The following CSMD3 variants were observed in gnomAD, a reference collection of about 807,000 sequenced individuals.
CSMD3 encodes CUB and sushi domain-containing protein 3.
A neutral mutation model predicts 435.2 loss-of-function variants in CSMD3; 177 were observed. The ratio of observed to expected loss-of-function variants is 0.41; its 90% CI spans 0.36 to 0.46. The LOEUF is 0.46. Ranked by LOEUF, CSMD3 falls within the 20% of genes least tolerant of loss-of-function variation. The pLI, the probability that CSMD3 is intolerant of heterozygous loss-of-function variation, is 0.34. For missense variants in CSMD3, 4,265 were observed against 4,504.6 expected (o/e 0.95, Z 1.52); for synonymous variants, 1,656 against 1,520.5 (o/e 1.09, Z -2.07).
intron 44 of CSMD3, 40 bp downstream of exon 44, chr8:112,336,612 T>G: frequency 7.1e-7 from 1 of 1,415,236 alleles, no homozygotes; most frequent in East Asian, 2.3e-5. Context: ...TTTTACTGTG[T>G]ATATAATTGA....
At chr8:112,959,140 A>G (rs949921411) in intron 7 of CSMD3, among the ~76,000 whole-genome samples, 2 of 152,116 alleles carry the variant, frequency 1.3e-5, no homozygotes, top group Non-Finnish European at 2.9e-5. Flanking sequence ...AATATGCAGA[A>G]CATTTATCTT....
chr8:112,559,731 CA>C (rs1358832635), intron 24 of CSMD3, among the ~76,000 whole-genome samples: 1 of 151,754 alleles, frequency 6.6e-6, no homozygotes, highest in Non-Finnish European at 1.5e-5. Context: ...CTGATATGAA[CA>C]AATCAAAATC....
At chr8:113,211,558 G>A (rs2092834839) in intron 3 of CSMD3, among the ~76,000 whole-genome samples, 1 of 151,994 alleles carries the variant, frequency 6.6e-6, no homozygotes, top group Non-Finnish European at 1.5e-5. Context: ...GCATCATGGC[G>A]TGTGCTTGTA....
intron 32 of CSMD3, among the ~76,000 whole-genome samples, chr8:112,463,090 G>A (rs561817350): frequency 4.1e-4 from 63 of 152,316 alleles, no homozygotes; most frequent in Non-Finnish European, 4.9e-4. Flanking sequence ...GGGCGCAGTG[G>A]CTCCCACCTG....
chr8:112,369,879 G>T (rs547638903), intron 38 of CSMD3, among the ~76,000 whole-genome samples: 2 of 148,062 alleles, frequency 1.4e-5, no homozygotes, highest in South Asian at 2.2e-4. Flanking sequence ...TAAAGTAAAA[G>T]AAAAACTAAA....
chr8:113,148,090 T>C (rs1292325495), intron 4 of CSMD3, among the ~76,000 whole-genome samples: 1 of 151,762 alleles, frequency 6.6e-6, no homozygotes, highest in Non-Finnish European at 1.5e-5. Context: ...TAAAAAATCT[T>C]TAAAATGACT....
chr8:112,661,941 A>G (rs2075390972), intron 17 of CSMD3, among the ~76,000 whole-genome samples: 1 of 152,144 alleles, frequency 6.6e-6, no homozygotes, highest in Non-Finnish European at 1.5e-5. Context: ...GTATTTTGAG[A>G]CTTACCCTGC....
chr8:113,345,684 TTC>T (rs1353494151), intron 1 of CSMD3, among the ~76,000 whole-genome samples: 1 of 152,196 alleles, frequency 6.6e-6, no homozygotes, highest in African/African-American at 2.4e-5. Flanking sequence ...TGAAATTTAC[TTC>T]TGTTTTTTTA....
At chr8:112,753,331 A>G (rs1393974682) in intron 13 of CSMD3, among the ~76,000 whole-genome samples, 1 of 152,206 alleles carries the variant, frequency 6.6e-6, no homozygotes, top group African/African-American at 2.4e-5. Context: ...TGTATAATGC[A>G]TCTATTGCTT....
intron 10 of CSMD3, among the ~76,000 whole-genome samples, chr8:112,864,251 G>A (rs1231833942): frequency 6.6e-6 from 1 of 151,734 alleles, no homozygotes. Context: ...TTTTGTTGTT[G>A]TTGTTGTTGT....
chr8:112,920,999 A>C (rs199931143), intron 10 of CSMD3, among the ~76,000 whole-genome samples: 1 of 41,462 alleles, frequency 2.4e-5, no homozygotes, highest in African/African-American at 2.1e-4. Context: ...GCGCGCGCGC[A>C]CACACACACA....
At chr8:112,693,186 A>G (rs998570174) in intron 13 of CSMD3, among the ~76,000 whole-genome samples, 1 of 152,096 alleles carries the variant, frequency 6.6e-6, no homozygotes, top group Non-Finnish European at 1.5e-5. Flanking sequence ...TTTGCAAACT[A>G]TAAATAATAA....
intron 1 of CSMD3, among the ~76,000 whole-genome samples, chr8:113,325,340 G>A (rs572156245): frequency 6.6e-6 from 1 of 152,228 alleles, no homozygotes; most frequent in South Asian, 2.1e-4. Context: ...ATTGAATCAT[G>A]GGGACCCATG....
At chr8:112,482,199 CAG>C (rs1358206179) in intron 31 of CSMD3, among the ~76,000 whole-genome samples, 10 of 152,260 alleles carry the variant, frequency 6.6e-5, no homozygotes, top group African/African-American at 1.7e-4. Context: ...TTTTCTCCAT[CAG>C]AGAGTGTGAT....
At chr8:112,779,169 G>T (rs918937004) in intron 13 of CSMD3, among the ~76,000 whole-genome samples, 1 of 140,794 alleles carries the variant, frequency 7.1e-6, no homozygotes, top group Admixed American at 7.1e-5. Context: ...AGATGTGTGT[G>T]TGTGTGTGTT....
At chr8:112,518,187 C>T (rs1180101154) in intron 27 of CSMD3, among the ~76,000 whole-genome samples, 2 of 151,986 alleles carry the variant, frequency 1.3e-5, no homozygotes, top group Non-Finnish European at 1.5e-5. Context: ...TTTTATATAA[C>T]ATTCTTGAAG....
At chr8:112,307,315 T>C (rs545915016) in intron 50 of CSMD3, among the ~76,000 whole-genome samples, 15 of 152,144 alleles carry the variant, frequency 9.9e-5, no homozygotes, top group Admixed American at 9.2e-4. Context: ...ACAGTACTAC[T>C]CTTTTTCCCA....
chr8:113,163,066 C>T (rs1471260626), intron 4 of CSMD3, among the ~76,000 whole-genome samples: 2 of 152,076 alleles, frequency 1.3e-5, no homozygotes, highest in Non-Finnish European at 2.9e-5. Flanking sequence ...TCTCCATCAT[C>T]ATTCAATAGA....
chr8:113,273,070 C>T (rs1223582827), intron 3 of CSMD3, among the ~76,000 whole-genome samples: 2 of 151,894 alleles, frequency 1.3e-5, no homozygotes, highest in East Asian at 3.8e-4. Flanking sequence ...CCCAATTACT[C>T]TTATTTGATC....
Sources: allele counts gnomAD v4.1 joint callset (sites outside exome capture counted in the v4.1 genomes callset), GRCh38; gene constraint gnomAD v4.1.1; transcripts MANE v1.5; gene names NCBI Gene and HGNC (gene_info 2026-07-23, HGNC 2026-07-21).